PCDHA5: variants seen among roughly 807,000 people sequenced by gnomAD.
PCDHA5 encodes protocadherin alpha 5.
PCDHA5 carries 43 observed loss-of-function variants against 61.6 expected under a neutral mutation model. The observed-to-expected ratio is 0.70, with a 90% CI of 0.55 to 0.90. The LOEUF is 0.90. Among genes scored for constraint, PCDHA5 ranks in the 40% least tolerant of loss-of-function variants. PCDHA5 has a pLI of 0.00. For missense variants in PCDHA5, 1,298 were observed against 1,222.7 expected, an observed-to-expected ratio of 1.06 and a Z score of -0.92; for synonymous variants, 627 against 543.9, an observed-to-expected ratio of 1.15 and a Z score of -2.13.
chr5:140,848,532 C>T, intron 1 of PCDHA5: 2 of 1,594,974 alleles, frequency 1.3e-6, no homozygotes, highest in Non-Finnish European at 1.7e-6. Context: ...AGAGGGTCAG[C>T]CTCTACTGCT....
chr5:140,877,401 G>A, intron 1 of PCDHA5: 1 of 1,613,944 alleles, frequency 6.2e-7, no homozygotes. Context: ...CGGACGCTCC[G>A]CGCCACCGCC....
At chr5:140,884,569 G>A (rs144735555) in intron 1 of PCDHA5, 2 of 1,614,008 alleles carry the variant, frequency 1.2e-6, no homozygotes, top group East Asian at 2.2e-5. Context: ...CGCATAAGAC[G>A]GACCTCATGG....
chr5:140,890,931 C>T (rs2062870447), intron 1 of PCDHA5, among the ~76,000 whole-genome samples: 1 of 152,090 alleles, frequency 6.6e-6, no homozygotes, highest in Admixed American at 6.6e-5. Context: ...TTCCTTTAGT[C>T]CAAAGATGCT....
At chr5:140,874,079 T>C (rs1397045171) in intron 1 of PCDHA5, among the ~76,000 whole-genome samples, 2 of 152,234 alleles carry the variant, frequency 1.3e-5, no homozygotes, top group African/African-American at 4.8e-5. Flanking sequence ...CCTGATGACA[T>C]CAAAATTCAA....
chr5:140,992,235 G>A (rs1272038759), intron 3 of PCDHA5, among the ~76,000 whole-genome samples: 7 of 152,154 alleles, frequency 4.6e-5, no homozygotes, highest in African/African-American at 1.7e-4. Flanking sequence ...GGAAGAGTAA[G>A]GAAGGAAGTA....
At chr5:140,884,698 A>G (rs782573200) in intron 1 of PCDHA5, 13 of 1,502,610 alleles carry the variant, frequency 8.7e-6, no homozygotes, top group African/African-American at 1.4e-5. Context: ...CTTAGTAAAC[A>G]CTTTAGCCTT....
At chr5:140,861,600 A>G (rs782505060) in intron 1 of PCDHA5, 3 of 371,010 alleles carry the variant, frequency 8.1e-6, no homozygotes, top group Non-Finnish European at 1.6e-5. Context: ...GAAAGTGAAG[A>G]ACAATAAAGA....
intron 1 of PCDHA5, chr5:140,848,731 T>C: frequency 6.3e-7 from 1 of 1,592,772 alleles, no homozygotes; most frequent in Non-Finnish European, 8.6e-7. Context: ...GAGGTAAATC[T>C]GCAGAATGGC....
intron 1 of PCDHA5, among the ~76,000 whole-genome samples, chr5:140,844,093 C>T (rs2150368688): frequency 2.7e-5 from 4 of 149,720 alleles, no homozygotes; most frequent in African/African-American, 9.8e-5. Flanking sequence ...AACTCTTAAT[C>T]TTACTCCATA....
intron 1 of PCDHA5, chr5:140,848,888 A>T: frequency 6.4e-7 from 1 of 1,564,652 alleles, no homozygotes; most frequent in Non-Finnish European, 8.7e-7. Flanking sequence ...ACAACCCTCC[A>T]GTGTTCCCAG....
chr5:140,860,977 T>A (rs1314844613), intron 1 of PCDHA5: 1 of 152,212 alleles, frequency 6.6e-6, no homozygotes, highest in African/African-American at 2.4e-5. Flanking sequence ...GACCTCGTGA[T>A]CCACCGGCCT....
chr5:140,952,923 C>CAGGA (rs1455819119), intron 1 of PCDHA5, among the ~76,000 whole-genome samples: 1 of 151,990 alleles, frequency 6.6e-6, no homozygotes, highest in Non-Finnish European at 1.5e-5. Flanking sequence ...ATGGCATGAG[C>CAGGA]AGGAGCAGGA....
At chr5:140,848,181 G>A (rs1434722378) in intron 1 of PCDHA5, 4 of 268,526 alleles carry the variant, frequency 1.5e-5, no homozygotes, top group Admixed American at 1.5e-4. Context: ...CAAGAGAAAC[G>A]GGATCTTCTG....
intron 1 of PCDHA5, among the ~76,000 whole-genome samples, chr5:140,943,089 T>C (rs2093417033): frequency 6.6e-6 from 1 of 151,612 alleles, no homozygotes; most frequent in African/African-American, 2.4e-5. Flanking sequence ...AAATCCTGCC[T>C]CTACTAAAAA....
At chr5:140,835,993 C>A (rs2150249835) in intron 1 of PCDHA5, 2 of 1,613,346 alleles carry the variant, frequency 1.2e-6, no homozygotes, top group African/African-American at 1.3e-5. Context: ...CAGGTGAGCG[C>A]GCGCGATGCG....
intron 1 of PCDHA5, among the ~76,000 whole-genome samples, chr5:140,881,006 G>A (rs2058554707): frequency 6.6e-6 from 1 of 152,172 alleles, no homozygotes; most frequent in South Asian, 2.1e-4. Flanking sequence ...GGAGAGCAGA[G>A]CTATGGAAAT....
intron 1 of PCDHA5, chr5:140,853,448 G>C: frequency 1.0e-6 from 1 of 980,734 alleles, no homozygotes; most frequent in Non-Finnish European, 1.2e-6. Context: ...TTGCCTAATA[G>C]GTCTCCTTAT....
At chr5:140,841,138 C>A (rs782232195) in intron 1 of PCDHA5, 1 of 713,754 alleles carries the variant, frequency 1.4e-6, no homozygotes, top group Non-Finnish European at 2.3e-6. Flanking sequence ...TTTGAAGCCA[C>A]ATGATGTCGC....
At chr5:140,923,660 G>T (rs1442227445) in intron 1 of PCDHA5, among the ~76,000 whole-genome samples, 1 of 152,148 alleles carries the variant, frequency 6.6e-6, no homozygotes, top group South Asian at 2.1e-4. Context: ...TTATCTTTGG[G>T]ATATCGTTCT....
Sources: allele counts gnomAD v4.1 joint callset (sites outside exome capture counted in the v4.1 genomes callset), GRCh38; gene constraint gnomAD v4.1.1; transcripts MANE v1.5; gene names NCBI Gene and HGNC (gene_info 2026-07-23, HGNC 2026-07-21).